KAT6B: variants seen among roughly 807,000 people sequenced by gnomAD.
KAT6B encodes histone acetyltransferase KAT6B.
Under a neutral mutation model 187.5 loss-of-function variants are expected in KAT6B, and 10 were observed. The observed-to-expected ratio is 0.05, with a 90% confidence interval of 0.03 to 0.09. The LOEUF (loss-of-function observed/expected upper bound fraction) is 0.09. KAT6B is among the 10% of genes least tolerant of loss of function. KAT6B has a pLI of 1.00. For missense variants in KAT6B, 1,952 were observed against 2,558.9 expected (o/e 0.76, Z 5.12); for synonymous variants, 861 against 926.8 (o/e 0.93, Z 1.29).
chr10:75,006,635 T>TC (rs1275759844), intron 13 of KAT6B, among the ~76,000 whole-genome samples: 1 of 152,020 alleles, frequency 6.6e-6, no homozygotes, highest in Non-Finnish European at 1.5e-5. Context: ...TTTTCTGTAG[T>TC]CTCTTTATGT....
At chr10:74,943,023 G>T (rs1849807672) in intron 3 of KAT6B, among the ~76,000 whole-genome samples, 1 of 152,156 alleles carries the variant, frequency 6.6e-6, no homozygotes, top group Non-Finnish European at 1.5e-5. Flanking sequence ...ACAGCATGCA[G>T]ATTGAGAGGA....
chr10:74,988,978 G>T (rs944512569), intron 12 of KAT6B, 41 bp from the exon 13 acceptor site: 1 of 1,410,080 alleles, frequency 7.1e-7, no homozygotes, highest in Non-Finnish European at 1.0e-6. Flanking sequence ...GCCCACTTCA[G>T]CAGGGCTCTG....
rs1202174043 is a variant in KAT6B, at chr10:74,975,489, T to C, written c.1152T>C (p.Pro384=). The part of the protein sequence containing the change: ...RGQKTKVCTT[P]SSGHAASGKD... ...AAAAGACTAAAGTCTGTACCACACCTTCATCTGGTCATGCTGCATCTGGGA... is the reference window on the plus strand; with the variant it reads ...AAAAGACTAAAGTCTGTACCACACCCTCATCTGGTCATGCTGCATCTGGGA... Residue 384 remains proline, a synonymous_variant, in exon 8 of 18, where the codon CCT becomes CCC. Transcript: ENST00000287239. 1.9e-6 allele frequency: 3 copies of C among 1,614,144 alleles called. No homozygotes were observed. Among genetic ancestry groups the C allele is most frequent in the Non-Finnish European group, 2.5e-6 (3 of 1,180,028 alleles).
At chr10:74,953,801 A>G (rs1236552504) in intron 3 of KAT6B, among the ~76,000 whole-genome samples, 1 of 152,174 alleles carries the variant, frequency 6.6e-6, no homozygotes, top group Non-Finnish European at 1.5e-5. Context: ...TTTGTGCAGG[A>G]ATTTTCATTT....
At chr10:74,834,545 G>A (rs1485147122) in intron 1 of KAT6B, among the ~76,000 whole-genome samples, 2 of 151,788 alleles carry the variant, frequency 1.3e-5, no homozygotes, top group Non-Finnish European at 2.9e-5. Flanking sequence ...TAGAGACAGA[G>A]TCTTGCTCTA....
chr10:75,024,008 A>T (rs1247261770), intron 16 of KAT6B: 1 of 152,140 alleles, frequency 6.6e-6, no homozygotes, highest in Admixed American at 6.5e-5. Context: ...CTATTCCTCT[A>T]TTTGAATTTT....
chr10:74,907,252 G>A (rs942280093), intron 3 of KAT6B, among the ~76,000 whole-genome samples: 1 of 152,214 alleles, frequency 6.6e-6, no homozygotes, highest in Non-Finnish European at 1.5e-5. Context: ...GACATAATGG[G>A]CAAGAACTTT....
intron 3 of KAT6B, among the ~76,000 whole-genome samples, chr10:74,891,223 G>A (rs968066286): frequency 6.6e-6 from 1 of 152,224 alleles, no homozygotes; most frequent in African/African-American, 2.4e-5. Flanking sequence ...TTGCCAGCTC[G>A]ACCTTGATGT....
chr10:75,004,261 C>T (rs1844053234), intron 13 of KAT6B, among the ~76,000 whole-genome samples: 1 of 152,100 alleles, frequency 6.6e-6, no homozygotes, highest in Admixed American at 6.5e-5. Flanking sequence ...TTGCTAAACT[C>T]CAAGCCATGA....
chr10:74,981,398 G>T (rs907750848), intron 10 of KAT6B, among the ~76,000 whole-genome samples: 6 of 126,726 alleles, frequency 4.7e-5, no homozygotes, highest in African/African-American at 1.1e-4. Context: ...TTTTTTGACG[G>T]TGTCTCACTC....
intron 7 of KAT6B, among the ~76,000 whole-genome samples, chr10:74,974,865 GATGTCT>G (rs1416796310): frequency 6.6e-6 from 1 of 152,026 alleles, no homozygotes; most frequent in Non-Finnish European, 1.5e-5. Flanking sequence ...AGAGGAAGAG[GATGTCT>G]TTTTATGTTT....
At chr10:74,837,839 A>G (rs1351265481) in intron 1 of KAT6B, among the ~76,000 whole-genome samples, 1 of 138,202 alleles carries the variant, frequency 7.2e-6, no homozygotes. Flanking sequence ...TTCCTCTCCT[A>G]GCTGTGTATT....
At chr10:74,966,858 T>G (rs1841511029) in intron 4 of KAT6B, among the ~76,000 whole-genome samples, 2 of 151,884 alleles carry the variant, frequency 1.3e-5, no homozygotes, top group South Asian at 4.1e-4. Flanking sequence ...AAACCCCATC[T>G]CTACCAAAAA....
chr10:74,977,013 C>T (rs1215249098), intron 8 of KAT6B: 2 of 327,296 alleles, frequency 6.1e-6, no homozygotes, highest in South Asian at 2.9e-5. Flanking sequence ...AACTAGACAT[C>T]GATAAAACTT....
At chr10:74,981,285 G>A (rs898861823) in intron 10 of KAT6B, among the ~76,000 whole-genome samples, 49 of 145,182 alleles carry the variant, frequency 3.4e-4, no homozygotes, top group African/African-American at 1.3e-3. Context: ...CTTTACTATT[G>A]GCTGGCTTTC....
At chr10:74,871,942 G>A (rs1324470125) in intron 3 of KAT6B, among the ~76,000 whole-genome samples, 1 of 152,148 alleles carries the variant, frequency 6.6e-6, no homozygotes, top group Non-Finnish European at 1.5e-5. Flanking sequence ...CTACTCTTCA[G>A]CCCACCTGAG....
intron 3 of KAT6B, among the ~76,000 whole-genome samples, chr10:74,909,680 G>C (rs1847050556): frequency 6.6e-6 from 1 of 152,132 alleles, no homozygotes; most frequent in African/African-American, 2.4e-5. Flanking sequence ...TTGGCAAAAG[G>C]TGTTTTTGAC....
intron 3 of KAT6B, among the ~76,000 whole-genome samples, chr10:74,871,078 C>T (rs1324410686): frequency 6.8e-6 from 1 of 147,252 alleles, no homozygotes; most frequent in Non-Finnish European, 1.5e-5. Context: ...GACGGGGTTC[C>T]ACCATGTTGG....
At chr10:75,022,319 ACT>A in intron 16 of KAT6B, 88 bp downstream of exon 16, 1 of 1,448,926 alleles carries the variant, frequency 6.9e-7, no homozygotes, top group Admixed American at 1.7e-5. Flanking sequence ...TATTTGTTTC[ACT>A]CTCTGTTCTT....
Sources: allele counts gnomAD v4.1 joint callset (sites outside exome capture counted in the v4.1 genomes callset), GRCh38; gene constraint gnomAD v4.1.1; transcripts MANE v1.5; gene names NCBI Gene and HGNC (gene_info 2026-07-23, HGNC 2026-07-21).